PHACTR3: variants seen among roughly 807,000 people sequenced by gnomAD.
The protein encoded by PHACTR3 is phosphatase and actin regulator 3.
Under a neutral mutation model 66.8 loss-of-function variants are expected in PHACTR3, and 16 were observed. The observed-to-expected ratio is 0.24, with a 90% confidence interval of 0.16 to 0.36. PHACTR3 has a LOEUF of 0.36. PHACTR3 is among the 10% of genes least tolerant of loss of function. PHACTR3 has a pLI of 1.00. For synonymous variants in PHACTR3, 323 were observed against 292.1 expected (o/e 1.11, Z -1.08); for missense variants, 647 against 719.9 (o/e 0.90, Z 1.16).
At chr20:59,591,368 G>A (rs1474819845) in intron 1 of PHACTR3, among the ~76,000 whole-genome samples, 1 of 152,136 alleles carries the variant, frequency 6.6e-6, no homozygotes, top group Non-Finnish European at 1.5e-5. Context: ...CTCCACCCGG[G>A]CAAGGCTCCT....
intron 2 of PHACTR3, among the ~76,000 whole-genome samples, chr20:59,745,360 C>G (rs1269758223): frequency 6.6e-6 from 1 of 152,128 alleles, no homozygotes; most frequent in Non-Finnish European, 1.5e-5. Context: ...TCTGAGGACT[C>G]TGGGCTCTTT....
At chr20:59,836,374 A>T in intron 8 of PHACTR3, 131 bp from the exon 9 acceptor site, 1 of 738,566 alleles carries the variant, frequency 1.4e-6, no homozygotes, top group Non-Finnish European at 2.1e-6. Context: ...CCAAAGGTTC[A>T]CTTTCTCTCC....
At chr20:59,707,457 CTTTT>C (rs34134572) in intron 1 of PHACTR3, among the ~76,000 whole-genome samples, 5 of 100,378 alleles carry the variant, frequency 5.0e-5, no homozygotes, top group South Asian at 4.1e-4. Flanking sequence ...TGCTCCCACT[CTTTT>C]TTTTTTTTTT....
At chr20:59,705,213 C>T (rs2037657654) in intron 1 of PHACTR3, among the ~76,000 whole-genome samples, 1 of 152,226 alleles carries the variant, frequency 6.6e-6, no homozygotes. Flanking sequence ...CCGCCTCAGC[C>T]TCCCAAAGTG....
chr20:59,810,981 G>A lies in PHACTR3; in HGVS notation c.1328+4787G>A, dbSNP rs150475060. 1.6e-3 allele frequency among the ~76,000 whole-genome samples: 246 copies of A among 152,304 alleles called. No individual in the cohort carries two copies. The South Asian group carries it at 0.024, about 15-fold the overall frequency. On this transcript the variant is annotated intron_variant, in intron 8 of 12. Coordinates refer to ENST00000371015, the MANE Select transcript of PHACTR3 (RefSeq NM_080672.5). ...AGAGCAGTGGGAAGCACCTGCTGCC[G>A]GCTTTCAGCATAGGTGCCGGCGATG...
intron 4 of PHACTR3, among the ~76,000 whole-genome samples, chr20:59,758,117 C>G (rs546739017): frequency 2.2e-5 from 2 of 90,176 alleles, no homozygotes; most frequent in Non-Finnish European, 5.0e-5. Flanking sequence ...CCAGCAAGAC[C>G]TGGGGGAGAC....
At chr20:59,717,345 C>A (rs2038128533) in intron 1 of PHACTR3, among the ~76,000 whole-genome samples, 1 of 152,130 alleles carries the variant, frequency 6.6e-6, no homozygotes, top group Non-Finnish European at 1.5e-5. Flanking sequence ...ATCTTGTGTA[C>A]CCTTTCCTCA....
chr20:59,725,045 G>A (rs960691009), intron 1 of PHACTR3, among the ~76,000 whole-genome samples: 2 of 151,896 alleles, frequency 1.3e-5, no homozygotes, highest in African/African-American at 4.8e-5. Context: ...CAGGTGTGCT[G>A]TGTGCTCAGT....
intron 8 of PHACTR3, among the ~76,000 whole-genome samples, chr20:59,815,273 T>C (rs2041851950): frequency 6.6e-6 from 1 of 152,020 alleles, no homozygotes; most frequent in Admixed American, 6.5e-5. Flanking sequence ...TCCAAAGGGA[T>C]CACCAGAAAG....
chr20:59,635,762 G>A (rs1402990908), intron 1 of PHACTR3, among the ~76,000 whole-genome samples: 1 of 152,168 alleles, frequency 6.6e-6, no homozygotes, highest in African/African-American at 2.4e-5. Flanking sequence ...TCTGCATGGG[G>A]TGTGCCCCCA....
chr20:59,845,919 A>G (rs952192626), intron 12 of PHACTR3, among the ~76,000 whole-genome samples: 24 of 152,294 alleles, frequency 1.6e-4, no homozygotes, highest in African/African-American at 5.3e-4. Context: ...TGGGCTTCTT[A>G]GTGATGACGA....
chr20:59,757,510 G>A (rs754208844), intron 4 of PHACTR3, among the ~76,000 whole-genome samples: 1 of 131,474 alleles, frequency 7.6e-6, no homozygotes, highest in African/African-American at 2.7e-5. Flanking sequence ...GAACACACAC[G>A]TTTTCTGTAA....
At chr20:59,787,769 C>T (rs1361325986) in intron 7 of PHACTR3, among the ~76,000 whole-genome samples, 1 of 152,130 alleles carries the variant, frequency 6.6e-6, no homozygotes, top group Non-Finnish European at 1.5e-5. Context: ...CACCCACTTC[C>T]TACTGGTTTA....
intron 1 of PHACTR3, among the ~76,000 whole-genome samples, chr20:59,667,200 C>T (rs1308306742): frequency 2.0e-5 from 3 of 152,138 alleles, no homozygotes; most frequent in Admixed American, 1.3e-4. Context: ...ATGAGGTGAT[C>T]GCAGGGCATG....
chr20:59,701,916 T>A (rs2037520879), intron 1 of PHACTR3, among the ~76,000 whole-genome samples: 1 of 152,248 alleles, frequency 6.6e-6, no homozygotes. Flanking sequence ...GTTGTCACTA[T>A]GGTTTTGTCT....
chr20:59,771,353 A>C (rs1345204858), intron 5 of PHACTR3, among the ~76,000 whole-genome samples: 1 of 152,062 alleles, frequency 6.6e-6, no homozygotes, highest in Non-Finnish European at 1.5e-5. Flanking sequence ...GGGGAGGCTG[A>C]GGCCAGTGGG....
At chr20:59,719,370 G>A (rs969605124) in intron 1 of PHACTR3, among the ~76,000 whole-genome samples, 1 of 152,098 alleles carries the variant, frequency 6.6e-6, no homozygotes, top group Non-Finnish European at 1.5e-5. Flanking sequence ...TTACCATCTT[G>A]GCCAGGCTGG....
At chr20:59,794,123 C>CAAAAAAAA (rs71183186) in intron 7 of PHACTR3, among the ~76,000 whole-genome samples, 10 of 97,818 alleles carry the variant, frequency 1.0e-4, no homozygotes, top group African/African-American at 4.0e-4. Context: ...GACTCCATCT[C>CAAAAAAAA]AAAAAAAAAA....
In PHACTR3 at chr20:59,635,151, T is replaced by TTTCTTTC. The variant is rs1415793845; in HGVS notation, c.118+30020_118+30021insTCTTTCT. On this transcript the variant is annotated intron_variant, in intron 1 of 12. Coordinates refer to ENST00000371015, the MANE Select transcript of PHACTR3 (RefSeq NM_080672.5). ...TCTTTCTTTCTTTCTTTCTTTCTTT[T>TTTCTTTC]TCTTTCTTTCTTTCTTTCCTTTCTT... Among the ~76,000 whole-genome samples the TTTCTTTC allele has an allele frequency of 1.1e-3, 32 of 28,916 alleles. No homozygotes were observed. In the East Asian group the frequency reaches 0.027, roughly 24 times the overall value. 19.0% of individuals were successfully genotyped at this position (28,916 alleles called of 152,430 possible).
Sources: gnomAD v4.1 joint callset for allele counts (sites outside exome capture counted in the v4.1 genomes callset) on GRCh38, gnomAD v4.1.1 for gene constraint, MANE v1.5 for transcripts, NCBI Gene and HGNC (gene_info 2026-07-23, HGNC 2026-07-21) for gene names.